MYCBP2: variants seen among roughly 807,000 people sequenced by gnomAD.
MYCBP2 encodes MYC binding protein 2, also known as E3 ubiquitin-protein ligase MYCBP2.
A neutral mutation model predicts 525.3 loss-of-function variants in MYCBP2; 120 were observed. That is an observed-to-expected ratio of 0.23 (90% CI 0.20 to 0.27). The LOEUF (loss-of-function observed/expected upper bound fraction) is 0.27. Among genes scored for constraint, MYCBP2 ranks in the 10% least tolerant of loss-of-function variants. MYCBP2 has a pLI of 1.00. For synonymous variants in MYCBP2, 1,894 were observed against 1,955.8 expected (o/e 0.97, Z 0.83); for missense variants, 4,149 against 5,657.1 (o/e 0.73, Z 8.55).
At chr13:77,187,228 T>G (rs1197789065) in intron 30 of MYCBP2, among the ~76,000 whole-genome samples, 1 of 152,098 alleles carries the variant, frequency 6.6e-6, no homozygotes, top group Non-Finnish European at 1.5e-5. Context: ...CACAGAAAAG[T>G]GAGATCACTA....
At position 77,326,529 on chromosome 13, in the gene MYCBP2, C is replaced by A. The variant is rs780569211; in HGVS notation, c.247G>T (p.Ala83Ser). The change falls in exon 1 of 83, where the codon GCT (alanine) becomes TCT (serine). Residue 83 changes from alanine (A) to serine (S), a missense_variant. Coordinates refer to ENST00000544440, the MANE Select transcript of MYCBP2 (RefSeq NM_015057.5). The surrounding 1 kb of genome is among the most constrained non-coding windows in gnomAD (Gnocchi z 4.2). Reference protein sequence around the residue: ...LADRYRRIYTAALNDRDQGGG... With the variant: ...LADRYRRIYTSALNDRDQGGG... ...CCCTGGTCCCTGTCATTGAGCGCAG[C>A]GGTATAAATCCTCCGGTAGCGGTCG... is the stretch of plus-strand genomic sequence containing the variant. 2.1e-5 allele frequency: 34 copies of A among 1,598,740 alleles called. No homozygotes were observed. The highest frequency in any genetic ancestry group is 2.7e-5 in the Non-Finnish European group (32 of 1,173,034).
At chr13:77,177,334 C>CTTTTTTTTTTT (rs748460042) in intron 35 of MYCBP2, among the ~76,000 whole-genome samples, 4 of 122,898 alleles carry the variant, frequency 3.3e-5, no homozygotes, top group African/African-American at 9.3e-5. Flanking sequence ...TCTTTTCTTT[C>CTTTTTTTTTTT]TTTTTTTTTT....
At chr13:77,235,255 C>T (rs1285654217) in intron 17 of MYCBP2, among the ~76,000 whole-genome samples, 1 of 151,996 alleles carries the variant, frequency 6.6e-6, no homozygotes, top group Admixed American at 6.6e-5. Flanking sequence ...AATCTATACA[C>T]ATTATGTCCT....
At chr13:77,234,450 T>C (rs1257324088) in intron 17 of MYCBP2, among the ~76,000 whole-genome samples, 1 of 151,984 alleles carries the variant, frequency 6.6e-6, no homozygotes, top group Admixed American at 6.6e-5. Flanking sequence ...AATATCAAAG[T>C]ACCCTTCATT....
chr13:77,314,699 C>G (rs1012545112), intron 1 of MYCBP2, among the ~76,000 whole-genome samples: 1 of 152,092 alleles, frequency 6.6e-6, no homozygotes, highest in Non-Finnish European at 1.5e-5. Context: ...TGTCATTATA[C>G]ATTTTTCTGA....
chr13:77,152,317 T>C (rs571775428), intron 46 of MYCBP2, among the ~76,000 whole-genome samples: 1 of 152,280 alleles, frequency 6.6e-6, no homozygotes, highest in South Asian at 2.1e-4. Flanking sequence ...TTTACAGGTA[T>C]ATGGTTAAAA....
At chr13:77,199,626 A>G (rs1432767840) in intron 26 of MYCBP2, among the ~76,000 whole-genome samples, 1 of 152,236 alleles carries the variant, frequency 6.6e-6, no homozygotes, top group Non-Finnish European at 1.5e-5. Flanking sequence ...TAACCTCTGC[A>G]GACTTAAATG....
At chr13:77,172,074 T>A (rs113668644) in intron 37 of MYCBP2, among the ~76,000 whole-genome samples, 14 of 152,262 alleles carry the variant, frequency 9.2e-5, no homozygotes, top group African/African-American at 3.4e-4. Context: ...CTAATTTTTC[T>A]GTTTTTAGTA....
chr13:77,295,589 C>A (rs956459127), intron 2 of MYCBP2, among the ~76,000 whole-genome samples: 1 of 152,156 alleles, frequency 6.6e-6, no homozygotes, highest in African/African-American at 2.4e-5. Context: ...GTGTAGGAAA[C>A]AATTGCCTCT....
At chr13:77,152,163 A>G (rs1390362369) in intron 46 of MYCBP2, among the ~76,000 whole-genome samples, 1 of 152,214 alleles carries the variant, frequency 6.6e-6, no homozygotes, top group Non-Finnish European at 1.5e-5. Flanking sequence ...GACTTTCGCT[A>G]TTTATATAAT....
intron 80 of MYCBP2, among the ~76,000 whole-genome samples, chr13:77,054,603 C>CT (rs113625592): frequency 0.038 from 5,255 of 140,058 alleles, 208 homozygotes; most frequent in East Asian, 0.17. Context: ...TTGGTAAAGT[C>CT]TTTTTTTTTT....
At chr13:77,139,440 G>C in intron 51 of MYCBP2, 104 bp from the exon 52 acceptor site, 1 of 1,253,306 alleles carries the variant, frequency 8.0e-7, no homozygotes, top group South Asian at 2.0e-5. Flanking sequence ...TGCATGTGCA[G>C]ATTAAGCATC....
chr13:77,210,233 C>A (rs1355110034), intron 23 of MYCBP2, among the ~76,000 whole-genome samples: 2 of 150,162 alleles, frequency 1.3e-5, no homozygotes, highest in African/African-American at 4.9e-5. Flanking sequence ...CAGAGTCTCG[C>A]CCAGGCTGGA....
intron 31 of MYCBP2, 151 bp from the exon 32 acceptor site, chr13:77,185,528 A>C (rs1303332735): frequency 1.2e-6 from 1 of 852,910 alleles, no homozygotes. Context: ...GTGTAGTCCC[A>C]ATTTTTAATC....
chr13:77,149,029 T>A (rs917909811), intron 47 of MYCBP2, among the ~76,000 whole-genome samples: 5 of 152,090 alleles, frequency 3.3e-5, no homozygotes, highest in Non-Finnish European at 5.9e-5. Context: ...TTGTTTTTTC[T>A]CTCAATTACC....
chr13:77,072,163 C>T (rs923868458), intron 68 of MYCBP2, among the ~76,000 whole-genome samples: 7 of 151,778 alleles, frequency 4.6e-5, no homozygotes, highest in African/African-American at 1.7e-4. Flanking sequence ...TGGTGGCGGG[C>T]GCCTGTACTC....
Position 77,188,974 on chromosome 13 carries a change from A to C in MYCBP2, c.4228T>G (p.Ser1410Ala). The change falls in exon 30 of 83, where the codon TCT becomes GCT. Residue 1410 changes from serine to alanine, a missense_variant. Physicochemically the swap from Ser to Ala is moderately conservative, Grantham distance 99. Coordinates refer to ENST00000544440, the MANE Select transcript of MYCBP2 (RefSeq NM_015057.5). ...ACCACTGAGACAGTTCTTGCAAAAG[A>C]CCTCTTTAAAATGTGTACAGGTTCA... The part of the protein sequence containing the change: ...TSEPVHILKR[S>A]FARTVSVECF... The C allele has an allele frequency of 3.1e-6, 5 of 1,603,882 alleles. No homozygotes were observed. Among genetic ancestry groups the C allele is most frequent in the Non-Finnish European group, 4.3e-6 (5 of 1,176,144 alleles).
At chr13:77,232,733 C>G (rs2067299073) in intron 18 of MYCBP2, among the ~76,000 whole-genome samples, 1 of 152,066 alleles carries the variant, frequency 6.6e-6, no homozygotes, top group African/African-American at 2.4e-5. Context: ...GTCTTATTAT[C>G]ATCATTTAAT....
chr13:77,128,009 A>C (rs2051999407), intron 52 of MYCBP2, among the ~76,000 whole-genome samples: 1 of 151,930 alleles, frequency 6.6e-6, no homozygotes, highest in Non-Finnish European at 1.5e-5. Flanking sequence ...TTGGAAATTT[A>C]ACGGAAATGA....
Sources: allele counts gnomAD v4.1 joint callset (sites outside exome capture counted in the v4.1 genomes callset), GRCh38; gene constraint gnomAD v4.1.1; non-coding constraint Gnocchi (gnomAD v3.1); transcripts MANE v1.5; gene names NCBI Gene and HGNC (gene_info 2026-07-23, HGNC 2026-07-21).